Variants in ZNF217 observed in about 807,000 individuals in gnomAD.
ZNF217 encodes the protein zinc finger protein 217.
A neutral mutation model predicts 73.3 loss-of-function variants in ZNF217; 12 were observed. The ratio of observed to expected loss-of-function variants is 0.16; its 90% CI spans 0.10 to 0.27. ZNF217 has a LOEUF of 0.27. Among genes scored for constraint, ZNF217 ranks in the 10% least tolerant of loss-of-function variants. ZNF217 has a pLI of 1.00. For missense variants in ZNF217, 1,195 were observed against 1,327.8 expected (o/e 0.90, Z 1.55); for synonymous variants, 588 against 516.4 (o/e 1.14, Z -1.88).
rs1277282738 is a variant in ZNF217, at chr20:53,582,210, T to G, written c.617A>C (p.His206Pro). Reference sequence around the variant, plus strand: ...AGGAGAGGAGATGCTCTCGGCCGCGTGCACCTGGACGACCTCGTTGATCGT... The same window carrying G: ...AGGAGAGGAGATGCTCTCGGCCGCGGGCACCTGGACGACCTCGTTGATCGT... ...PATINEVVQV[H>P]AAESISSPYK... is the part of the protein sequence containing the mutation. The change falls in exon 2 of 6, where the codon CAC (histidine) becomes CCC (proline). Residue 206 changes from histidine to proline, a missense_variant. His to Pro is a moderately conservative substitution (Grantham distance 77, BLOSUM62 -2). Coordinates refer to ENST00000371471, the MANE Select transcript of ZNF217 (RefSeq NM_006526.3). The surrounding 1 kb of genome is among the most constrained non-coding windows in gnomAD (Gnocchi z 4.8). 9 of 1,614,016 alleles carry G rather than the reference T, an allele frequency of 5.6e-6. No homozygotes were observed. The African/African-American group carries it at 1.2e-4, about 22-fold the overall frequency.
At chr20:53,574,097 A>G (rs1357809691) in intron 4 of ZNF217, among the ~76,000 whole-genome samples, 8 of 152,030 alleles carry the variant, frequency 5.3e-5, no homozygotes, top group African/African-American at 1.7e-4. Flanking sequence ...TCTCTTCGTT[A>G]TTTATAATAC....
Position 53,581,119 on chromosome 20 carries a change from T to C in ZNF217, c.1366+342A>G, listed in dbSNP as rs1329263221. Among the ~76,000 whole-genome samples the C allele has an allele frequency of 6.6e-6, 1 of 151,334 alleles. No individual in the cohort carries two copies. The highest frequency in any genetic ancestry group is 1.5e-5 in the Non-Finnish European group (1 of 67,944). ...TGCCAGATACTGATTGGGAACAAAA[T>C]CGCCCCAGTTAAGAAGCAGTGCATT... On this transcript the variant is annotated intron_variant, in intron 2 of 5. Coordinates refer to ENST00000371471, the MANE Select transcript of ZNF217 (RefSeq NM_006526.3). This position sits in a 1 kb window ranked among gnomAD's most constrained non-coding sequence, Gnocchi z 4.9.
Position 53,582,017 on chromosome 20 carries a change from G to C in ZNF217, c.810C>G (p.Asn270Lys). The C allele has an allele frequency of 6.2e-7, 1 of 1,614,236 alleles. No homozygotes were observed. The highest frequency in any genetic ancestry group is 1.3e-5 in the African/African-American group (1 of 75,058). Residue 270 changes from asparagine (N) to lysine (K), a missense_variant, in exon 2 of 6, where the codon AAC (asparagine) becomes AAG (lysine). Around this residue, in one of 9 missense-constraint regions of ZNF217, gnomAD observed 126 missense variants for 114.4 expected, o/e 1.10. Coordinates refer to ENST00000371471, the MANE Select transcript of ZNF217 (RefSeq NM_006526.3). This position sits in a 1 kb window ranked among gnomAD's most constrained non-coding sequence, Gnocchi z 4.8. ...SSREDFLQLFNLRPKSHPETG... is the reference protein window; with the variant it reads ...SSREDFLQLFKLRPKSHPETG... ...TTTCAGGGTGAGATTTTGGTCTCAA[G>C]TTGAACAACTGCAGGAAGTCCTCCC...
At chr20:53,574,082 AAT>A (rs1988135405) in intron 4 of ZNF217, among the ~76,000 whole-genome samples, 1 of 151,952 alleles carries the variant, frequency 6.6e-6, no homozygotes, top group African/African-American at 2.4e-5. Flanking sequence ...AAAAAAAAAA[AAT>A]CATCTCTTCG....
chr20:53,594,248 G>A (rs1269392678), upstream of ZNF217, among the ~76,000 whole-genome samples: 2 of 151,698 alleles, frequency 1.3e-5, no homozygotes, highest in African/African-American at 2.4e-5. Flanking sequence ...GGCGCTGGGG[G>A]ACTGTTGGGT....
intron 1 of ZNF217, among the ~76,000 whole-genome samples, chr20:53,585,913 G>A (rs983971758): frequency 7.2e-5 from 11 of 152,104 alleles, no homozygotes; most frequent in Non-Finnish European, 1.6e-4. Context: ...CTCCAGGAAA[G>A]CTTCTGAGAC....
At chr20:53,580,772 C>G (rs1197354374) in intron 2 of ZNF217, among the ~76,000 whole-genome samples, 1 of 152,140 alleles carries the variant, frequency 6.6e-6, no homozygotes, top group Non-Finnish European at 1.5e-5. Flanking sequence ...TACTAGCTTG[C>G]CAGACAGAAA....
intron 1 of ZNF217, among the ~76,000 whole-genome samples, chr20:53,592,087 G>A (rs1218741455): frequency 6.6e-6 from 1 of 152,156 alleles, no homozygotes; most frequent in African/African-American, 2.4e-5. Context: ...AGACATAATT[G>A]AATCAACCTG....
chr20:53,580,355 G>T (rs974094413), intron 2 of ZNF217, among the ~76,000 whole-genome samples: 1 of 152,174 alleles, frequency 6.6e-6, no homozygotes, highest in Non-Finnish European at 1.5e-5. Flanking sequence ...GGAGGCACTT[G>T]TTTTAACCGA....
At chr20:53,593,719 C>T (rs1417866759) in intron 1 of ZNF217, 37 bp downstream of exon 1, 3 of 151,320 alleles carry the variant, frequency 2.0e-5, no homozygotes, top group Non-Finnish European at 3.0e-5. Context: ...CGGGCGGGCG[C>T]CCCGGCTGGC....
Position 53,590,817 on chromosome 20 carries a change from G to A in ZNF217, c.-343+2939C>T, listed in dbSNP as rs1257244499. ...GATAGAAGGACTTAGTCATTGCCAG[G>A]CCATTATATTCCTTAATTATTTCAT... On this transcript the variant is annotated intron_variant, in intron 1 of 5. Coordinates refer to ENST00000371471, the MANE Select transcript of ZNF217 (RefSeq NM_006526.3). Among the ~76,000 whole-genome samples the A allele has an allele frequency of 2.6e-5, 4 of 152,144 alleles. 1 individual carries two copies. Among genetic ancestry groups the A allele is most frequent in the African/African-American group, 9.7e-5 (4 of 41,426 alleles).
intron 1 of ZNF217, among the ~76,000 whole-genome samples, chr20:53,592,339 C>T (rs913425138): frequency 1.1e-4 from 16 of 151,680 alleles, no homozygotes; most frequent in African/African-American, 3.4e-4. Context: ...CGAGGTAGAA[C>T]AATACACCAA....
At chr20:53,585,836 G>A (rs1034594654) in intron 1 of ZNF217, among the ~76,000 whole-genome samples, 4 of 152,076 alleles carry the variant, frequency 2.6e-5, no homozygotes, top group African/African-American at 7.2e-5. Flanking sequence ...GGCATTCTAG[G>A]CCAAGGGGTC....
chr20:53,582,644 C>G lies in ZNF217; in HGVS notation c.183G>C (p.Gly61=), dbSNP rs146056612. ...AGAACATGCAATCCAAGGGCATATA[C>G]CCCTCGATTTGGATGACATTTTTTT... ...TQEKNVIQIE[G]YMPLDCMFCS... Residue 61 remains glycine, a synonymous_variant, in exon 2 of 6, where the codon GGG becomes GGC. Transcript: ENST00000371471. This position sits in a 1 kb window ranked among gnomAD's most constrained non-coding sequence, Gnocchi z 4.8. 2 of 1,614,162 alleles carry G rather than the reference C, an allele frequency of 1.2e-6. No homozygotes were observed. Among genetic ancestry groups the G allele is most frequent in the South Asian group, 2.2e-5 (2 of 91,082 alleles).
intron 1 of ZNF217, among the ~76,000 whole-genome samples, chr20:53,584,656 A>G (rs1210791540): frequency 1.3e-5 from 2 of 152,190 alleles, no homozygotes; most frequent in Non-Finnish European, 2.9e-5. Flanking sequence ...ACATCTTTCT[A>G]TTATCTATTT....
chr20:53,589,859 A>AT (rs201639904), intron 1 of ZNF217, among the ~76,000 whole-genome samples: 261 of 148,374 alleles, frequency 1.8e-3, no homozygotes, highest in African/African-American at 4.6e-3. Context: ...TGTGTAATAC[A>AT]TTTTTTTTTT....
chr20:53,584,669 C>T (rs943628406), intron 1 of ZNF217, among the ~76,000 whole-genome samples: 6 of 152,322 alleles, frequency 3.9e-5, no homozygotes, highest in Non-Finnish European at 5.9e-5. Flanking sequence ...ATCTATTTAA[C>T]GCAGTTGGTT....
chr20:53,578,480 A>G (rs759113754), intron 2 of ZNF217, 30 bp from the exon 3 acceptor site: 1 of 1,420,394 alleles, frequency 7.0e-7, no homozygotes, highest in Non-Finnish European at 9.6e-7. Flanking sequence ...TATTTATATA[A>G]GAAGGTAGCT....
chr20:53,571,977 C>T, intron 4 of ZNF217, 124 bp from the exon 5 acceptor site: 1 of 921,684 alleles, frequency 1.1e-6, no homozygotes. Context: ...CTAAGTCACA[C>T]AGTCGCATGC....
Sources: gnomAD v4.1 joint callset for allele counts (sites outside exome capture counted in the v4.1 genomes callset) on GRCh38, gnomAD v4.1.1 for gene constraint, gnomAD v4.1.1 regional missense constraint, Gnocchi (gnomAD v3.1) non-coding constraint, MANE v1.5 for transcripts, NCBI Gene and HGNC (gene_info 2026-07-23, HGNC 2026-07-21) for gene names.